CCNY: variants seen among roughly 807,000 people sequenced by gnomAD.
CCNY encodes cyclin Y, also known as cyclin-Y.
In CCNY, 19 loss-of-function variants were observed where a neutral mutation model predicts 42.8. The observed-to-expected ratio is 0.44, with a 90% confidence interval of 0.31 to 0.65. The LOEUF (loss-of-function observed/expected upper bound fraction) is 0.65, where lower values mean the gene tolerates loss of function less well. Among genes scored for constraint, CCNY ranks in the 30% least tolerant of loss-of-function variants. The probability of loss-of-function intolerance (pLI) is 0.07; values close to 1 mark genes in which losing one functional copy is unlikely to be tolerated. For synonymous variants in CCNY, 165 were observed against 162.7 expected, an observed-to-expected ratio of 1.01 and a Z score of -0.11; for missense variants, 370 against 437.3, an observed-to-expected ratio of 0.85 and a Z score of 1.37.
intron 1 of CCNY, among the ~76,000 whole-genome samples, chr10:35,465,684 C>T (rs1028574841): frequency 4.6e-5 from 7 of 152,028 alleles, no homozygotes; most frequent in Non-Finnish European, 1.0e-4. Flanking sequence ...TTTCTCTGTC[C>T]GTTATGTGCT....
intron 1 of CCNY, among the ~76,000 whole-genome samples, chr10:35,426,105 GCACGCGCACACACACA>G (rs1156870231): frequency 2.2e-4 from 13 of 57,970 alleles, no homozygotes; most frequent in African/African-American, 5.3e-4. Context: ...CACTGGTCCA[GCACGCGCACACACACA>G]CACACACACA....
chr10:35,399,997 A>G lies in CCNY; in HGVS notation c.154+62790A>G, dbSNP rs555289945. Among the ~76,000 whole-genome samples, 388 of 152,200 alleles carry G rather than the reference A, an allele frequency of 2.5e-3. 1 individual carries two copies. Among genetic ancestry groups the G allele is most frequent in the Non-Finnish European group, 4.1e-3 (278 of 67,996 alleles). On this transcript the variant is annotated intron_variant, in intron 1 of 9. Coordinates refer to ENST00000374704, the MANE Select transcript of CCNY (RefSeq NM_145012.6). ...AGGCTAGGTATGTTCTCCAGTTTAC[A>G]TGGGGACTCAGAAAATATGTGGAGC...
At chr10:35,251,418 G>A (rs1249758264) in intron 3 of CCNY, among the ~76,000 whole-genome samples, 1 of 152,160 alleles carries the variant, frequency 6.6e-6, no homozygotes. Context: ...GTTGTTTGCT[G>A]AAACTAAATT....
chr10:35,420,357 C>T (rs1478395840), intron 1 of CCNY, among the ~76,000 whole-genome samples: 1 of 152,160 alleles, frequency 6.6e-6, no homozygotes, highest in Non-Finnish European at 1.5e-5. Context: ...AAGCAGCGAG[C>T]CCTAGAAACC....
chr10:35,259,495 G>GGTT (rs2095717929), intron 3 of CCNY, among the ~76,000 whole-genome samples: 8 of 65,154 alleles, frequency 1.2e-4, no homozygotes, highest in Non-Finnish European at 2.1e-4. Flanking sequence ...AGTCCTGGTT[G>GGTT]TTTTTTTTTT....
At chr10:35,288,306 TA>T (rs1257550460) in intron 3 of CCNY, among the ~76,000 whole-genome samples, 2 of 152,200 alleles carry the variant, frequency 1.3e-5, no homozygotes, top group African/African-American at 2.4e-5. Context: ...ATCTTTTCTG[TA>T]ATGGCCAATG....
chr10:35,411,183 A>G (rs1047035632), intron 1 of CCNY, among the ~76,000 whole-genome samples: 19 of 152,220 alleles, frequency 1.2e-4, no homozygotes, highest in African/African-American at 4.1e-4. Flanking sequence ...ATAATGTTGA[A>G]TGGTTGAGGG....
At chr10:35,468,758 G>T (rs1012728144) in intron 1 of CCNY, among the ~76,000 whole-genome samples, 1 of 152,150 alleles carries the variant, frequency 6.6e-6, no homozygotes, top group Non-Finnish European at 1.5e-5. Context: ...CCAATTTGGT[G>T]TGAATTTCTT....
intron 3 of CCNY, among the ~76,000 whole-genome samples, chr10:35,292,492 C>T (rs1835424478): frequency 1.3e-5 from 2 of 152,090 alleles, no homozygotes; most frequent in Admixed American, 1.3e-4. Context: ...TCCCGAGTAG[C>T]TGGGATTACA....
intron 1 of CCNY, among the ~76,000 whole-genome samples, chr10:35,427,565 C>T (rs1838297301): frequency 1.3e-5 from 2 of 152,006 alleles, no homozygotes; most frequent in African/African-American, 4.8e-5. Context: ...CCTAAGTGCT[C>T]CATAAATATG....
intron 3 of CCNY, chr10:35,315,454 T>C (rs1166037172): frequency 6.6e-6 from 1 of 152,256 alleles, no homozygotes. Flanking sequence ...CATTCTTTTT[T>C]ATGGCTGCAT....
chr10:35,433,615 A>T (rs963391165), intron 1 of CCNY, among the ~76,000 whole-genome samples: 4 of 152,290 alleles, frequency 2.6e-5, no homozygotes, highest in East Asian at 3.9e-4. Flanking sequence ...CATCTTAAGA[A>T]ATAGTGGTTT....
At chr10:35,559,451 C>A (rs1220764308) in intron 8 of CCNY, among the ~76,000 whole-genome samples, 2 of 152,180 alleles carry the variant, frequency 1.3e-5, no homozygotes, top group African/African-American at 4.8e-5. Context: ...TAACAAGGAA[C>A]CAAATCTTCT....
At chr10:35,468,071 T>C (rs1178407901) in intron 1 of CCNY, among the ~76,000 whole-genome samples, 3 of 152,256 alleles carry the variant, frequency 2.0e-5, no homozygotes, top group Admixed American at 6.5e-5. Context: ...TTATAAGCCG[T>C]AGAAATGTAT....
At chr10:35,354,872 A>G (rs1467735221) in intron 1 of CCNY, among the ~76,000 whole-genome samples, 6 of 150,662 alleles carry the variant, frequency 4.0e-5, no homozygotes, top group East Asian at 2.0e-4. Context: ...AAATTCTCCT[A>G]TCTTTCTAAG....
At chr10:35,518,720 G>T (rs1326593655) in intron 4 of CCNY, among the ~76,000 whole-genome samples, 3 of 144,450 alleles carry the variant, frequency 2.1e-5, no homozygotes, top group Non-Finnish European at 3.0e-5. Context: ...AACAGCTCTT[G>T]ATTGAATCTG....
intron 8 of CCNY, among the ~76,000 whole-genome samples, chr10:35,563,540 C>T (rs1841507344): frequency 6.6e-6 from 1 of 152,150 alleles, no homozygotes; most frequent in Non-Finnish European, 1.5e-5. Flanking sequence ...GCTCCTTTGA[C>T]GTTTGACAGT....
At chr10:35,358,422 C>G (rs989026347) in intron 1 of CCNY, among the ~76,000 whole-genome samples, 1 of 152,142 alleles carries the variant, frequency 6.6e-6, no homozygotes, top group African/African-American at 2.4e-5. Context: ...TGTATCTGCT[C>G]TCAAGGATGG....
At chr10:35,254,720 C>T (rs1280761156) in intron 3 of CCNY, among the ~76,000 whole-genome samples, 4 of 148,776 alleles carry the variant, frequency 2.7e-5, no homozygotes, top group East Asian at 2.0e-4. Flanking sequence ...CCCAGCTACT[C>T]GGGAGGTTGA....
Sources: gnomAD v4.1 joint callset for allele counts (sites outside exome capture counted in the v4.1 genomes callset) on GRCh38, gnomAD v4.1.1 for gene constraint, MANE v1.5 for transcripts, NCBI Gene and HGNC (gene_info 2026-07-23, HGNC 2026-07-21) for gene names.